Variants in DACH2 observed in about 807,000 individuals in gnomAD.
DACH2 encodes dachshund homolog 2.
Under a neutral mutation model 35.8 loss-of-function variants are expected in DACH2, and 17 were observed. That is an observed-to-expected ratio of 0.48 (90% CI 0.33 to 0.71). The LOEUF (loss-of-function observed/expected upper bound fraction) is 0.71. Ranked by LOEUF, DACH2 falls within the 30% of genes least tolerant of loss-of-function variation. The pLI, the probability that DACH2 is intolerant of heterozygous loss-of-function variation, is 0.02. For synonymous variants in DACH2, 195 were observed against 177.3 expected, an observed-to-expected ratio of 1.10 and a Z score of -0.79; for missense variants, 469 against 472.7, an observed-to-expected ratio of 0.99 and a Z score of 0.07.
chrX:86,262,633 A>T (rs2033646940), intron 1 of DACH2, among the ~76,000 whole-genome samples: 1 of 84,381 alleles, frequency 1.2e-5, no homozygotes, highest in Admixed American at 1.3e-4. Context: ...TGATAGAATA[A>T]TCTGCTCCAA....
chrX:86,637,348 A>C (rs907401478), intron 3 of DACH2, among the ~76,000 whole-genome samples: 1 of 108,266 alleles, frequency 9.2e-6, no homozygotes, highest in African/African-American at 3.3e-5. Context: ...CTATTCCTCA[A>C]AGACCCAAAA....
intron 1 of DACH2, among the ~76,000 whole-genome samples, chrX:86,329,532 T>C (rs1326867327): frequency 9.1e-6 from 1 of 109,775 alleles, no homozygotes; most frequent in Non-Finnish European, 1.9e-5. Flanking sequence ...TGTCTAAACA[T>C]GGTTCAGCTC....
intron 3 of DACH2, among the ~76,000 whole-genome samples, chrX:86,565,786 A>T (rs2039285359): frequency 9.0e-6 from 1 of 111,459 alleles, no homozygotes; most frequent in South Asian, 3.7e-4. Flanking sequence ...AGATTATTTA[A>T]ATAGGAAAAG....
intron 4 of DACH2, among the ~76,000 whole-genome samples, chrX:86,660,896 C>T (rs1025119817): frequency 1.8e-5 from 2 of 110,871 alleles, no homozygotes; most frequent in Non-Finnish European, 3.8e-5. Context: ...TTAAATATCT[C>T]CAACATTTAA....
At chrX:86,366,506 C>T (rs2035808498) in intron 1 of DACH2, among the ~76,000 whole-genome samples, 1 of 111,457 alleles carries the variant, frequency 9.0e-6, no homozygotes, top group South Asian at 3.8e-4. Flanking sequence ...TACCTGAATG[C>T]ATGGTCATAG....
chrX:86,622,614 C>A (rs1392600702), intron 3 of DACH2, among the ~76,000 whole-genome samples: 1 of 111,522 alleles, frequency 9.0e-6, no homozygotes, highest in East Asian at 2.8e-4. Flanking sequence ...CTTTTTAGGT[C>A]TTTTGATGAA....
chrX:86,555,653 G>A (rs982365460), intron 3 of DACH2, among the ~76,000 whole-genome samples: 3 of 111,614 alleles, frequency 2.7e-5, no homozygotes, highest in Admixed American at 9.6e-5. Context: ...GTATCGGCAC[G>A]TTATGTCTTC....
chrX:86,426,904 A>G (rs1029082699), intron 2 of DACH2, among the ~76,000 whole-genome samples: 1 of 112,465 alleles, frequency 8.9e-6, no homozygotes, highest in African/African-American at 3.2e-5. Context: ...AAATCCAATT[A>G]AAACCCTCTA....
chrX:86,409,553 C>T (rs1397987290), intron 2 of DACH2, among the ~76,000 whole-genome samples: 2 of 110,795 alleles, frequency 1.8e-5, no homozygotes, highest in Non-Finnish European at 1.9e-5. Context: ...CCTTCTCTCT[C>T]CTGCTCCTAC....
At chrX:86,412,818 T>A (rs1032425447) in intron 2 of DACH2, among the ~76,000 whole-genome samples, 1 of 111,715 alleles carries the variant, frequency 9.0e-6, no homozygotes, top group Non-Finnish European at 1.9e-5. Context: ...ATGGCCCAAG[T>A]GGCAGAGTAG....
At chrX:86,416,962 T>C (rs1228084173) in intron 2 of DACH2, among the ~76,000 whole-genome samples, 1 of 108,456 alleles carries the variant, frequency 9.2e-6, no homozygotes. Context: ...AGTGTGGTCG[T>C]GGACACCTGT....
chrX:86,702,038 AT>A (rs1442354342), intron 5 of DACH2, among the ~76,000 whole-genome samples: 1 of 111,976 alleles, frequency 8.9e-6, no homozygotes, highest in Non-Finnish European at 1.9e-5. Flanking sequence ...AAAAGTCTCA[AT>A]AAGTTTTTTA....
intron 1 of DACH2, among the ~76,000 whole-genome samples, chrX:86,203,011 C>A (rs763095482): frequency 1.8e-5 from 2 of 110,564 alleles, no homozygotes; most frequent in Non-Finnish European, 3.8e-5. Context: ...TTCTAGGCTG[C>A]CATTCCAGTA....
intron 3 of DACH2, among the ~76,000 whole-genome samples, chrX:86,562,347 G>T (rs1319150003): frequency 1.8e-5 from 2 of 111,167 alleles, no homozygotes; most frequent in Admixed American, 1.9e-4. Flanking sequence ...ATTGAGAAAA[G>T]ATAGCACAAT....
intron 2 of DACH2, among the ~76,000 whole-genome samples, chrX:86,438,919 T>C (rs2037113888): frequency 8.9e-6 from 1 of 112,322 alleles, no homozygotes; most frequent in African/African-American, 3.2e-5. Context: ...GGTGTCTCAT[T>C]GTGGTTTTGA....
chrX:86,206,267 A>G (rs150422545), intron 1 of DACH2, among the ~76,000 whole-genome samples: 3,500 of 103,415 alleles, frequency 0.034, 142 homozygotes, highest in African/African-American at 0.14. Flanking sequence ...TCACTGGGGC[A>G]TAGTCCAAAA....
chrX:86,429,217 A>G (rs1175448602), intron 2 of DACH2, among the ~76,000 whole-genome samples: 3 of 103,911 alleles, frequency 2.9e-5, no homozygotes, highest in Admixed American at 1.0e-4. Context: ...CTTTTCTGAG[A>G]AAAAAAAAAA....
intron 1 of DACH2, among the ~76,000 whole-genome samples, chrX:86,290,433 C>T (rs1202403325): frequency 1.7e-5 from 1 of 59,582 alleles, no homozygotes. Flanking sequence ...TTAATTAGAT[C>T]CCATTTGTCA....
intron 3 of DACH2, among the ~76,000 whole-genome samples, chrX:86,625,355 C>T (rs771752046): frequency 2.7e-5 from 3 of 109,432 alleles, no homozygotes; most frequent in Non-Finnish European, 5.7e-5. Flanking sequence ...TTGCATATAT[C>T]AGATAATGAC....
Sources: gnomAD v4.1 joint callset for allele counts (sites outside exome capture counted in the v4.1 genomes callset) on GRCh38, gnomAD v4.1.1 for gene constraint, MANE v1.5 for transcripts, NCBI Gene and HGNC (gene_info 2026-07-23, HGNC 2026-07-21) for gene names.